STAM: variants seen among roughly 807,000 people sequenced by gnomAD.
STAM encodes the protein signal transducing adapter molecule 1.
Under a neutral mutation model 63.4 loss-of-function variants are expected in STAM, and 16 were observed. The ratio of observed to expected loss-of-function variants is 0.25; its 90% CI spans 0.17 to 0.38. The LOEUF (loss-of-function observed/expected upper bound fraction) is 0.38. Among genes scored for constraint, STAM ranks in the 10% least tolerant of loss-of-function variants. The pLI, the probability that STAM is intolerant of heterozygous loss-of-function variation, is 1.00. For synonymous variants in STAM, 238 were observed against 223.9 expected (o/e 1.06, Z -0.56); for missense variants, 636 against 657.1 (o/e 0.97, Z 0.35).
rs992176301 is a variant in STAM, at chr10:17,693,276, G to A, written c.499G>A (p.Val167Met). Residue 167 changes from valine (V) to methionine (M), a missense_variant, in exon 6 of 14, where the codon GTG becomes ATG. This residue lies in a region of STAM where 532 missense variants were observed against 536.9 expected (regional missense o/e 0.99). Transcript: ENST00000377524. ...TCTTGTAGCCAAGGATCCTGGTACT[G>A]TGGCTAACAAAAAAGAAGAAGAAGA... ...PALVAKDPGT[V>M]ANKKEEEDLA... 1 of 1,612,814 alleles carries A rather than the reference G, an allele frequency of 6.2e-7. No individual in the cohort carries two copies. Among genetic ancestry groups the A allele is most frequent in the African/African-American group, 1.3e-5 (1 of 74,908 alleles).
intron 10 of STAM, 131 bp from the exon 11 acceptor site, chr10:17,704,839 A>T: frequency 1.3e-6 from 1 of 764,196 alleles, no homozygotes; most frequent in Non-Finnish European, 2.1e-6. Context: ...CTGTAGACTA[A>T]GGTTAAAGAA....
chr10:17,662,941 A>T (rs1458447730), intron 2 of STAM, among the ~76,000 whole-genome samples: 2 of 152,174 alleles, frequency 1.3e-5, no homozygotes, highest in African/African-American at 4.8e-5. Context: ...TTTATCTAGC[A>T]TTGCAGCTGC....
chr10:17,661,353 C>A (rs181418616), intron 2 of STAM, among the ~76,000 whole-genome samples: 1 of 152,168 alleles, frequency 6.6e-6, no homozygotes, highest in African/African-American at 2.4e-5. Flanking sequence ...TAATATGAAG[C>A]CTTTGCCAGT....
chr10:17,666,943 C>T (rs1202245085), intron 2 of STAM, among the ~76,000 whole-genome samples: 2 of 152,160 alleles, frequency 1.3e-5, no homozygotes, highest in South Asian at 2.1e-4. Context: ...TAAGAATAAT[C>T]GTCACTTATT....
At chr10:17,679,340 C>T (rs539033151) in intron 2 of STAM, among the ~76,000 whole-genome samples, 1 of 152,220 alleles carries the variant, frequency 6.6e-6, no homozygotes, top group Admixed American at 6.5e-5. Flanking sequence ...TTGTTATGTG[C>T]TTATTGGCCC....
Position 17,714,878 on chromosome 10 carries a change from A to G in STAM, c.*98A>G. 8.5e-7 allele frequency: 1 copy of G among 1,180,528 alleles called. No homozygotes were observed. The highest frequency in any genetic ancestry group is 1.3e-5 in the South Asian group (1 of 77,382). The allele number at this position is 1,180,528 out of a possible 1,614,324, so 73.1% of individuals were successfully genotyped here. A position where few individuals can be genotyped will look rare whatever the true frequency, so the allele number is the denominator to read the frequency against. On this transcript the variant is annotated 3_prime_UTR_variant, in exon 14 of 14. Transcript: ENST00000377524. Reference sequence around the variant, plus strand: ...TAAGATGTGTTTATCCTCAGCTTATAGGAATCTCTCCAGGTCAACAGGTTC... The same window carrying G: ...TAAGATGTGTTTATCCTCAGCTTATGGGAATCTCTCCAGGTCAACAGGTTC...
intron 1 of STAM, among the ~76,000 whole-genome samples, chr10:17,656,294 A>C (rs1404962229): frequency 3.7e-4 from 37 of 99,580 alleles, no homozygotes; most frequent in African/African-American, 9.0e-4. Flanking sequence ...ACTCCGTCTT[A>C]AAAAAAAAAA....
At chr10:17,671,365 AC>A (rs1554824069) in intron 2 of STAM, among the ~76,000 whole-genome samples, 3 of 152,250 alleles carry the variant, frequency 2.0e-5, no homozygotes, top group Non-Finnish European at 1.5e-5. Context: ...TCAAGAACTA[AC>A]ATTGTTGAGA....
chr10:17,649,174 C>T (rs962254067), intron 1 of STAM, among the ~76,000 whole-genome samples: 4 of 152,134 alleles, frequency 2.6e-5, no homozygotes, highest in Admixed American at 1.3e-4. Context: ...GAGGCTGAGG[C>T]AGGAGGATTC....
intron 6 of STAM, among the ~76,000 whole-genome samples, chr10:17,694,131 G>A (rs931162572): frequency 1.1e-4 from 16 of 152,190 alleles, no homozygotes; most frequent in African/African-American, 3.9e-4. Flanking sequence ...ATATGTACAA[G>A]TCTTTATTTG....
At chr10:17,662,670 T>C (rs1423368257) in intron 2 of STAM, among the ~76,000 whole-genome samples, 3 of 152,228 alleles carry the variant, frequency 2.0e-5, no homozygotes, top group Non-Finnish European at 4.4e-5. Context: ...GCCATTTAGC[T>C]ATGTCATACT....
In STAM at chr10:17,695,245, A is replaced by G. The variant is rs72782571; in HGVS notation, c.728+4A>G. On this transcript the variant is annotated splice_donor_region_variant and intron_variant, in intron 7 of 13. Coordinates refer to ENST00000377524, the MANE Select transcript of STAM (RefSeq NM_003473.4). ...TTATTACAGTTCTTGATGACAGGTAATGTTAATATTACATTTAAAATTTGT... is the reference window on the plus strand; with the variant it reads ...TTATTACAGTTCTTGATGACAGGTAGTGTTAATATTACATTTAAAATTTGT... 15,889 of 1,611,386 alleles carry G rather than the reference A, an allele frequency of 9.9e-3. 108 individuals are homozygous for G. The highest frequency in any genetic ancestry group is 0.012 in the Non-Finnish European group (14,194 of 1,178,378).
intron 1 of STAM, among the ~76,000 whole-genome samples, chr10:17,647,588 C>T (rs1554821030): frequency 6.6e-6 from 1 of 151,978 alleles, no homozygotes; most frequent in Non-Finnish European, 1.5e-5. Flanking sequence ...TGGATTCAGT[C>T]CCAGGTTTGC....
intron 2 of STAM, among the ~76,000 whole-genome samples, chr10:17,669,793 G>T (rs1336484390): frequency 2.0e-5 from 3 of 149,956 alleles, no homozygotes; most frequent in Non-Finnish European, 4.4e-5. Context: ...CGCCTCCCAG[G>T]TTCACACCGT....
At chr10:17,698,712 G>T (rs1835864813) in intron 8 of STAM, among the ~76,000 whole-genome samples, 1 of 151,912 alleles carries the variant, frequency 6.6e-6, no homozygotes, top group South Asian at 2.1e-4. Context: ...AAATCCCTTT[G>T]TTATATATTG....
intron 2 of STAM, among the ~76,000 whole-genome samples, chr10:17,665,940 C>CTGAA (rs1318083421): frequency 6.6e-6 from 1 of 152,064 alleles, no homozygotes; most frequent in Non-Finnish European, 1.5e-5. Flanking sequence ...ATATGATGGG[C>CTGAA]TGAACAGCCT....
At chr10:17,692,972 T>C (rs1835605651) in intron 5 of STAM, among the ~76,000 whole-genome samples, 1 of 152,186 alleles carries the variant, frequency 6.6e-6, no homozygotes. Flanking sequence ...ATGCTTTTAG[T>C]TGAACCTCTT....
At chr10:17,699,820 A>G (rs1214199493) in intron 8 of STAM, among the ~76,000 whole-genome samples, 1 of 152,206 alleles carries the variant, frequency 6.6e-6, no homozygotes, top group Non-Finnish European at 1.5e-5. Context: ...GTAATTTAAA[A>G]AGAGGGTTTA....
intron 2 of STAM, among the ~76,000 whole-genome samples, chr10:17,665,310 G>T (rs1343956145): frequency 6.6e-6 from 1 of 152,020 alleles, no homozygotes. Flanking sequence ...TTAAAAATAA[G>T]TATGTATTCA....
Sources: allele counts gnomAD v4.1 joint callset (sites outside exome capture counted in the v4.1 genomes callset), GRCh38; gene constraint gnomAD v4.1.1; regional missense constraint gnomAD v4.1.1; transcripts MANE v1.5; gene names NCBI Gene and HGNC (gene_info 2026-07-23, HGNC 2026-07-21).